The following ASPM variants were observed in gnomAD, a reference collection of about 807,000 sequenced individuals.
ASPM encodes the protein abnormal spindle-like microcephaly-associated protein.
ASPM carries 256 observed loss-of-function variants against 366.4 expected under a neutral mutation model. That is an observed-to-expected ratio of 0.70 (90% CI 0.63 to 0.77). The LOEUF (loss-of-function observed/expected upper bound fraction) is 0.77. Among genes scored for constraint, ASPM ranks in the 30% least tolerant of loss-of-function variants. The pLI is 0.00. For synonymous variants in ASPM, 1,414 were observed against 1,342.9 expected (o/e 1.05, Z -1.16); for missense variants, 4,146 against 4,090.4 (o/e 1.01, Z -0.37).
At chr1:197,117,283 T>C (rs1284225923) in intron 17 of ASPM, among the ~76,000 whole-genome samples, 2 of 151,936 alleles carry the variant, frequency 1.3e-5, no homozygotes, top group South Asian at 2.1e-4. Context: ...CTAATTTACA[T>C]AGATGTAAAG....
chr1:197,129,231 T>C lies in ASPM; in HGVS notation c.2716A>G (p.Ile906Val). Residue 906 changes from isoleucine to valine, a missense_variant, in exon 9 of 28, where the codon ATT (isoleucine) becomes GTT (valine). By Grantham distance (29) the Ile-to-Val change is conservative. Coordinates refer to ENST00000367409, the MANE Select transcript of ASPM (RefSeq NM_018136.5). Reference protein sequence around the residue: ...FLDYAKISRLIDHDPCLFCKD... With the variant: ...FLDYAKISRLVDHDPCLFCKD... ...CAGAAGAGACAAGGATCATGATCAA[T>C]GAGTCTGGAAATTTTAGCATAATCA... 2 of 1,612,726 alleles carry C rather than the reference T, an allele frequency of 1.2e-6. No individual in the cohort carries two copies. Among genetic ancestry groups the C allele is most frequent in the Non-Finnish European group, 1.7e-6 (2 of 1,178,882 alleles).
rs1553226464 is a variant in ASPM, at chr1:197,129,987, T to G, written c.2557A>C (p.Asn853His). The change falls in exon 8 of 28, where the codon AAT becomes CAT. Residue 853 changes from asparagine (N) to histidine (H), a missense_variant. Physicochemically the swap from Asn to His is moderately conservative, Grantham distance 68. Transcript: ENST00000367409. ...DVTGLAMFILNRLLWNPDIAA... is the reference protein window; with the variant it reads ...DVTGLAMFILHRLLWNPDIAA... ...ATATCAGGATTCCAAAGTAGGCGAT[T>G]CAGAATAAACATAGCCAACCCTGTG... The G allele has an allele frequency of 6.2e-7, 1 of 1,613,950 alleles. No individual in the cohort carries two copies. The highest frequency in any genetic ancestry group is 1.3e-5 in the African/African-American group (1 of 75,040).
At position 197,084,502 on chromosome 1, in the gene ASPM, A is replaced by C. The variant is rs577637865; in HGVS notation, c.10332-76T>G. On this transcript the variant is annotated intron_variant, in intron 27 of 27. Coordinates refer to ENST00000367409, the MANE Select transcript of ASPM (RefSeq NM_018136.5). ...AGTTACCTTCACCTTTTTTCTCTTAACTAAATTGTAGCTACTCCTGAACAC... is the reference window on the plus strand; with the variant it reads ...AGTTACCTTCACCTTTTTTCTCTTACCTAAATTGTAGCTACTCCTGAACAC... 46 of 981,952 alleles carry C rather than the reference A, an allele frequency of 4.7e-5. 1 individual carries two copies. The highest frequency in any genetic ancestry group is 3.0e-4 in the South Asian group (22 of 74,178). 60.8% of individuals were successfully genotyped at this position (981,952 alleles called of 1,614,324 possible).
intron 27 of ASPM, among the ~76,000 whole-genome samples, chr1:197,085,509 T>C (rs759784146): frequency 1.3e-5 from 2 of 152,160 alleles, no homozygotes; most frequent in Admixed American, 6.6e-5. Flanking sequence ...TCCAAAGATA[T>C]ATCAATTGGT....
chr1:197,114,085 C>T (rs1486482042), intron 17 of ASPM, among the ~76,000 whole-genome samples: 1 of 152,054 alleles, frequency 6.6e-6, no homozygotes, highest in Non-Finnish European at 1.5e-5. Context: ...TTCCAGACCA[C>T]CACAATAAAG....
At chr1:197,121,474 A>G (rs886753857) in intron 16 of ASPM, among the ~76,000 whole-genome samples, 1 of 152,294 alleles carries the variant, frequency 6.6e-6, no homozygotes, top group East Asian at 1.9e-4. Context: ...CTTACTAGTT[A>G]AATCACAAAA....
chr1:197,085,137 G>A (rs1413429889), intron 27 of ASPM, among the ~76,000 whole-genome samples: 1 of 152,044 alleles, frequency 6.6e-6, no homozygotes, highest in Non-Finnish European at 1.5e-5. Context: ...TACCAAACTA[G>A]TCTGAAGAAT....
rs1658164855 is a variant in ASPM at position 197,128,643 on chromosome 1, G to C, written c.2783C>G (p.Ala928Gly). Residue 928 changes from alanine (A) to glycine (G), a missense_variant, in exon 10 of 28, where the codon GCT becomes GGT. Around this residue, in one of 3 missense-constraint regions of ASPM, gnomAD observed 3,624 missense variants for 3,591.7 expected, o/e 1.01. Coordinates refer to ENST00000367409, the MANE Select transcript of ASPM (RefSeq NM_018136.5). ...EFKASKEILL[A>G]FSRDFLSGEG... is the part of the protein sequence containing the mutation. ...ACCACTTAGGAAATCTCGTGAAAAA[G>C]CCAAAAGGATTTCTTTACTAGCCTA... 5 of 1,613,028 alleles carry C rather than the reference G, an allele frequency of 3.1e-6. No individual in the cohort carries two copies. The highest frequency in any genetic ancestry group is 4.2e-6 in the Non-Finnish European group (5 of 1,179,288).
intron 4 of ASPM, among the ~76,000 whole-genome samples, chr1:197,137,515 T>C (rs994996235): frequency 6.6e-6 from 1 of 152,180 alleles, no homozygotes; most frequent in African/African-American, 2.4e-5. Context: ...CTCATAGCGC[T>C]CTGTCACTCA....
rs760292134 is a variant in ASPM at position 197,090,894 on chromosome 1, G to A, written c.9592C>T (p.Arg3198Cys). 3.7e-5 allele frequency: 60 copies of A among 1,612,982 alleles called. No homozygotes were observed. In the South Asian group the frequency reaches 4.9e-4, roughly 13 times the overall value. ...CTAGTGAATTTTTCCTGCTTTTTAC[G>A]GAGGAGAAAATGGCGCACTGCTTTC... ...IQKAVRHFLLRKKQEKFTSGI... is the reference protein window; with the variant it reads ...IQKAVRHFLLCKKQEKFTSGI... Residue 3198 changes from arginine (R) to cysteine (C), a missense_variant, in exon 23 of 28, where the codon CGT becomes TGT. Physicochemically the swap from Arg to Cys is radical, Grantham distance 180. Coordinates refer to ENST00000367409, the MANE Select transcript of ASPM (RefSeq NM_018136.5).
In ASPM at chr1:197,122,244, A is replaced by C. The variant is rs750399442; in HGVS notation, c.3656T>G (p.Leu1219Trp). 2 of 1,612,872 alleles carry C rather than the reference A, an allele frequency of 1.2e-6. No homozygotes were observed. Among genetic ancestry groups the C allele is most frequent in the African/African-American group, 1.3e-5 (1 of 74,878 alleles). Residue 1219 changes from leucine (L) to tryptophan (W), a missense_variant, in exon 15 of 28, where the codon TTG becomes TGG. Around this residue, in one of 3 missense-constraint regions of ASPM, gnomAD observed 3,624 missense variants for 3,591.7 expected, o/e 1.01. Coordinates refer to ENST00000367409, the MANE Select transcript of ASPM (RefSeq NM_018136.5). The stretch of plus-strand genomic sequence containing the variant: ...AAGGTCTCTAACTGCAGACCTAACC[A>C]AGTGAAAATTTTTCTTTTCATTTTC... Reference protein sequence around the residue: ...LLENEKKNFHLVRSAVRDLGG... With the variant: ...LLENEKKNFHWVRSAVRDLGG...
rs2125107558 is a variant in ASPM, at chr1:197,129,331, C to T, written c.2630-14G>A. 1.9e-6 allele frequency: 3 copies of T among 1,609,238 alleles called. No individual in the cohort carries two copies. The highest frequency in any genetic ancestry group is 2.5e-6 in the Non-Finnish European group (3 of 1,177,136). ...CTTCTTCATGACCTTAAATAAAGTA[C>T]AAAAAAGCACAGCAAGTTAATCTAT... On this transcript the variant is annotated splice_polypyrimidine_tract_variant and intron_variant, in intron 8 of 27. Transcript: ENST00000367409.
At position 197,145,871 on chromosome 1, in the gene ASPM, A is replaced by ATATATATATATATATATAT. The variant is rs1557967356; in HGVS notation, c.297+269_297+270insATATATATATATATATATA. 6.1e-5 allele frequency among the ~76,000 whole-genome samples: 9 copies of ATATATATATATATATATAT among 148,442 alleles called. No homozygotes were observed. The East Asian group carries it at 1.8e-3, about 29-fold the overall frequency. On this transcript the variant is annotated intron_variant, in intron 1 of 27. Coordinates refer to ENST00000367409, the MANE Select transcript of ASPM (RefSeq NM_018136.5). Reference sequence around the variant, plus strand: ...ATATATATATATATATATATATAATATTGACACATATATATATACTCACAC... The same window carrying ATATATATATATATATATAT: ...ATATATATATATATATATATATAATATATATATATATATATATATTTGACACATATATATATACTCACAC...
chr1:197,130,282 A>T (rs978031729), intron 7 of ASPM, among the ~76,000 whole-genome samples: 1 of 152,198 alleles, frequency 6.6e-6, no homozygotes, highest in Non-Finnish European at 1.5e-5. Context: ...CAGGACTAAG[A>T]TAAGTCTTAA....
At chr1:197,119,809 TA>T (rs1236671040) in intron 16 of ASPM, among the ~76,000 whole-genome samples, 1 of 152,180 alleles carries the variant, frequency 6.6e-6, no homozygotes, top group Non-Finnish European at 1.5e-5. Context: ...GTTCATCAGG[TA>T]ATTTTAGCTA....
intron 13 of ASPM, among the ~76,000 whole-genome samples, chr1:197,123,332 C>T (rs989445058): frequency 6.6e-5 from 10 of 152,146 alleles, no homozygotes; most frequent in African/African-American, 2.4e-4. Flanking sequence ...CCTTGTTTGA[C>T]ATCAGCTGGC....
Position 197,104,880 on chromosome 1 carries a change from A to G in ASPM, c.4371T>C (p.His1457=). 1 of 1,607,060 alleles carries G rather than the reference A, an allele frequency of 6.2e-7. No individual in the cohort carries two copies. Among genetic ancestry groups the G allele is most frequent in the Non-Finnish European group, 8.5e-7 (1 of 1,177,756 alleles). Residue 1457 remains histidine, a synonymous_variant, in exon 18 of 28, where the codon CAT becomes CAC. Coordinates refer to ENST00000367409, the MANE Select transcript of ASPM (RefSeq NM_018136.5). ...VILQRAFREW[H]LRKQAKEENS... Reference sequence around the variant, plus strand: ...TTTCTTCTTTAGCTTGTTTTCTTAAATGCCATTCTCTAAAAGCTCTTTGCA... The same window carrying G: ...TTTCTTCTTTAGCTTGTTTTCTTAAGTGCCATTCTCTAAAAGCTCTTTGCA...
intron 17 of ASPM, among the ~76,000 whole-genome samples, chr1:197,105,834 T>C (rs1453171123): frequency 2.6e-5 from 4 of 151,992 alleles, no homozygotes; most frequent in Non-Finnish European, 4.4e-5. Flanking sequence ...ATGGTTACAA[T>C]GGCTAATCCA....
intron 5 of ASPM, among the ~76,000 whole-genome samples, chr1:197,134,168 C>T (rs1017567380): frequency 6.6e-6 from 1 of 151,316 alleles, no homozygotes; most frequent in Non-Finnish European, 1.5e-5. Context: ...GAGGCCAAGG[C>T]AAGTGAATTC....
Sources: allele counts gnomAD v4.1 joint callset (sites outside exome capture counted in the v4.1 genomes callset), GRCh38; gene constraint gnomAD v4.1.1; regional missense constraint gnomAD v4.1.1; transcripts MANE v1.5; gene names NCBI Gene and HGNC (gene_info 2026-07-23, HGNC 2026-07-21).